The following TLN2 variants were observed in gnomAD, a reference collection of about 807,000 sequenced individuals.
The protein encoded by TLN2 is talin 2, also known as talin-2.
Under a neutral mutation model 294.7 loss-of-function variants are expected in TLN2, and 118 were observed. The observed-to-expected ratio is 0.40, with a 90% CI of 0.34 to 0.47. The LOEUF is 0.47. Ranked by LOEUF, TLN2 falls within the 20% of genes least tolerant of loss-of-function variation. The probability of loss-of-function intolerance (pLI) is 0.84; values close to 1 mark genes in which losing one functional copy is unlikely to be tolerated. For synonymous variants in TLN2, 1,431 were observed against 1,304.5 expected (o/e 1.10, Z -2.09); for missense variants, 3,083 against 3,282.2 (o/e 0.94, Z 1.48).
At chr15:62,806,357 A>G (rs573319244) in intron 51 of TLN2, among the ~76,000 whole-genome samples, 217 of 152,144 alleles carry the variant, frequency 1.4e-3, no homozygotes, top group African/African-American at 5.1e-3. Context: ...CTTCTTGCAG[A>G]GTGTGGTGGA....
chr15:62,758,329 C>T (rs1332936711), intron 37 of TLN2, among the ~76,000 whole-genome samples: 3 of 152,234 alleles, frequency 2.0e-5, no homozygotes, highest in Non-Finnish European at 4.4e-5. Context: ...GCTGTAAATG[C>T]TGGGCATGGT....
Position 62,707,200 on chromosome 15 carries a change from G to C in TLN2, c.2119G>C (p.Ala707Pro). 1.9e-6 allele frequency: 3 copies of C among 1,614,060 alleles called. No homozygotes were observed. Among genetic ancestry groups the C allele is most frequent in the Non-Finnish European group, 2.5e-6 (3 of 1,179,946 alleles). Residue 707 changes from alanine (A) to proline (P), a missense_variant, in exon 20 of 59, where the codon GCT (alanine) becomes CCT (proline). Coordinates refer to ENST00000636159, the MANE Select transcript of TLN2 (RefSeq NM_015059.3). ...EDTVLQNRVI[A>P]AATQCALSTS... ...CACTGTCCTACAGAACAGGGTAATTGCTGCTGCCACCCAGTGTGCCCTCTC... is the reference window on the plus strand; with the variant it reads ...CACTGTCCTACAGAACAGGGTAATTCCTGCTGCCACCCAGTGTGCCCTCTC...
chr15:62,408,788 T>A (rs1193446818), intron 1 of TLN2, among the ~76,000 whole-genome samples: 1 of 152,090 alleles, frequency 6.6e-6, no homozygotes, highest in East Asian at 1.9e-4. Context: ...AATTGTATGG[T>A]CCAAGAATTT....
intron 37 of TLN2, among the ~76,000 whole-genome samples, chr15:62,760,985 C>G (rs758508431): frequency 2.6e-5 from 4 of 152,146 alleles, no homozygotes; most frequent in Non-Finnish European, 4.4e-5. Flanking sequence ...TTCTAACACC[C>G]TAGATTAGGA....
At chr15:62,400,659 G>A (rs1010927344) in intron 1 of TLN2, among the ~76,000 whole-genome samples, 1 of 152,066 alleles carries the variant, frequency 6.6e-6, no homozygotes, top group Non-Finnish European at 1.5e-5. Context: ...CATGTGAAGG[G>A]CATTGAGAAT....
intron 1 of TLN2, among the ~76,000 whole-genome samples, chr15:62,473,297 T>TA (rs954794974): frequency 2.6e-5 from 4 of 151,992 alleles, no homozygotes; most frequent in African/African-American, 7.3e-5. Context: ...GGATTGGGAA[T>TA]AACACTGAGA....
chr15:62,772,577 C>A (rs1190213473), intron 42 of TLN2, among the ~76,000 whole-genome samples: 1 of 152,136 alleles, frequency 6.6e-6, no homozygotes, highest in Admixed American at 6.5e-5. Flanking sequence ...TTTCTCCAGG[C>A]TATTGACTGC....
chr15:62,784,163 G>C (rs1039536504), intron 45 of TLN2: 4 of 456,510 alleles, frequency 8.8e-6, no homozygotes, highest in Admixed American at 3.7e-5. Flanking sequence ...CAGGTCCCCT[G>C]TCCCTAGCCC....
At chr15:62,414,366 C>G (rs1266017115) in intron 1 of TLN2, among the ~76,000 whole-genome samples, 1 of 137,062 alleles carries the variant, frequency 7.3e-6, no homozygotes, top group African/African-American at 2.6e-5. Context: ...AATCTTGCCA[C>G]TGAATCCAGT....
intron 1 of TLN2, among the ~76,000 whole-genome samples, chr15:62,484,375 C>T (rs549713313): frequency 5.8e-4 from 88 of 152,164 alleles, no homozygotes; most frequent in African/African-American, 2.1e-3. Flanking sequence ...AAACGGAGGT[C>T]ATTCATTTTG....
chr15:62,751,665 G>A (rs111615985), intron 34 of TLN2, among the ~76,000 whole-genome samples: 11 of 152,236 alleles, frequency 7.2e-5, no homozygotes, highest in African/African-American at 2.4e-4. Flanking sequence ...CATAATGAGG[G>A]AACACCAAAT....
chr15:62,600,300 C>T (rs2140777276), intron 2 of TLN2, among the ~76,000 whole-genome samples: 1 of 152,320 alleles, frequency 6.6e-6, no homozygotes, highest in South Asian at 2.1e-4. Context: ...TGAAACCTTA[C>T]TTGGCATGAA....
chr15:62,797,466 C>A, intron 48 of TLN2, 64 bp downstream of exon 48: 1 of 1,494,328 alleles, frequency 6.7e-7, no homozygotes, highest in South Asian at 1.3e-5. Flanking sequence ...CATCGGGCCT[C>A]AGAAGAGGCC....
At chr15:62,807,439 A>T (rs967581056) in intron 51 of TLN2, among the ~76,000 whole-genome samples, 1 of 152,194 alleles carries the variant, frequency 6.6e-6, no homozygotes, top group Non-Finnish European at 1.5e-5. Flanking sequence ...AACTGAAATT[A>T]GCTCTCCTGA....
chr15:62,589,380 G>A (rs2045911960), intron 1 of TLN2, among the ~76,000 whole-genome samples: 1 of 152,180 alleles, frequency 6.6e-6, no homozygotes, highest in African/African-American at 2.4e-5. Flanking sequence ...CATTGAGGGA[G>A]GTGGATGTCT....
rs2070661323 is a variant in TLN2 at position 62,841,230 on chromosome 15, A to AT, written c.*624dup. 6.6e-6 allele frequency: 1 copy of AT among 152,578 alleles called. No individual in the cohort carries two copies. The highest frequency in any genetic ancestry group is 2.1e-4 in the South Asian group (1 of 4,820). 9.5% of individuals were successfully genotyped at this position (152,578 alleles called of 1,614,324 possible). ...CTTGTACAACCCAGACCCATCTTGTATTTTGTGGCCCAGAAAACTGAACGA... is the reference window on the plus strand; with the variant it reads ...CTTGTACAACCCAGACCCATCTTGTATTTTTGTGGCCCAGAAAACTGAACGA... On this transcript the variant is annotated 3_prime_UTR_variant, in exon 59 of 59. Transcript: ENST00000636159.
chr15:62,787,848 T>C (rs2064803618), intron 45 of TLN2, among the ~76,000 whole-genome samples: 1 of 150,618 alleles, frequency 6.6e-6, no homozygotes, highest in East Asian at 2.0e-4. Context: ...CCCACCATCA[T>C]GCCAGGCTGA....
chr15:62,645,293 A>T (rs939115380), intron 3 of TLN2: 1 of 152,386 alleles, frequency 6.6e-6, no homozygotes. Flanking sequence ...TGTGTCAGCA[A>T]TCCAGCCACT....
intron 9 of TLN2, among the ~76,000 whole-genome samples, chr15:62,664,415 C>T (rs2054279888): frequency 6.6e-6 from 1 of 151,970 alleles, no homozygotes; most frequent in Admixed American, 6.5e-5. Flanking sequence ...TGTGTGAAGA[C>T]AACCAAGGTT....
Sources: gnomAD v4.1 joint callset for allele counts (sites outside exome capture counted in the v4.1 genomes callset) on GRCh38, gnomAD v4.1.1 for gene constraint, MANE v1.5 for transcripts, NCBI Gene and HGNC (gene_info 2026-07-23, HGNC 2026-07-21) for gene names.